Variants in TSC1 observed in about 807,000 individuals in gnomAD.
TSC1 encodes the protein TSC complex subunit 1, also known as hamartin.
Under a neutral mutation model 124.3 loss-of-function variants are expected in TSC1, and 20 were observed. That is an observed-to-expected ratio of 0.16 (90% confidence interval 0.11 to 0.23). The LOEUF is 0.23. Among genes scored for constraint, TSC1 ranks in the 10% least tolerant of loss-of-function variants. The pLI is 1.00. For missense variants in TSC1, 1,124 were observed against 1,448.5 expected, an observed-to-expected ratio of 0.78 and a Z score of 3.64; for synonymous variants, 493 against 539.1, an observed-to-expected ratio of 0.91 and a Z score of 1.19.
intron 12 of TSC1, among the ~76,000 whole-genome samples, chr9:132,908,255 T>C (rs1845770231): frequency 6.6e-6 from 1 of 152,210 alleles, no homozygotes; most frequent in South Asian, 2.1e-4. Context: ...TAAAAAACTA[T>C]ATTTCCCGAA....
chr9:132,926,968 G>A (rs956248377), intron 4 of TSC1: 10 of 490,296 alleles, frequency 2.0e-5, no homozygotes, highest in African/African-American at 5.9e-5. Context: ...CACCACACCC[G>A]GCCCAAACAA....
In TSC1 at chr9:132,895,954, A is replaced by T. The variant is rs1340929150; in HGVS notation, c.*281T>A. On this transcript the variant is annotated 3_prime_UTR_variant, in exon 23 of 23. Coordinates refer to ENST00000298552, the MANE Select transcript of TSC1 (RefSeq NM_000368.5). ...GCAACCATTTGGGGGGGAAAGGAAG[A>T]AAGTAAAGCTACTGAGGAACACCAA... The T allele has an allele frequency of 3.9e-6, 2 of 508,844 alleles. No homozygotes were observed. Among genetic ancestry groups the T allele is most frequent in the Non-Finnish European group, 7.1e-6 (2 of 279,888 alleles). The allele number at this position is 508,844 out of a possible 1,614,324, so 31.5% of individuals were successfully genotyped here.
chr9:132,944,399 T>C lies in TSC1; in HGVS notation c.-144+144A>G, dbSNP rs1416317130. 3.0e-5 allele frequency: 12 copies of C among 393,516 alleles called. No homozygotes were observed. The Admixed American group carries it at 5.3e-4, about 17-fold the overall frequency. The allele number at this position is 393,516 out of a possible 1,614,324, so 24.4% of individuals were successfully genotyped here. A position where few individuals can be genotyped will look rare whatever the true frequency, so the allele number is the denominator to read the frequency against. On this transcript the variant is annotated intron_variant, in intron 1 of 22. Coordinates refer to ENST00000298552, the MANE Select transcript of TSC1 (RefSeq NM_000368.5). Reference sequence around the variant, plus strand: ...TGTAATAAGAGGGAGGGGAGAGCTCTCCGAACCCCCCTTCCCCGGGATCCC... The same window carrying C: ...TGTAATAAGAGGGAGGGGAGAGCTCCCCGAACCCCCCTTCCCCGGGATCCC...
At chr9:132,920,304 C>G (rs943840070) in intron 8 of TSC1, among the ~76,000 whole-genome samples, 19 of 152,104 alleles carry the variant, frequency 1.2e-4, no homozygotes, top group Non-Finnish European at 1.6e-4. Context: ...CTTTTCAAAA[C>G]AAAGCAATAC....
chr9:132,929,968 T>C (rs572265026), intron 2 of TSC1, among the ~76,000 whole-genome samples: 2 of 152,184 alleles, frequency 1.3e-5, no homozygotes, highest in Non-Finnish European at 2.9e-5. Flanking sequence ...GTTTTGATCA[T>C]CACAGCAAGT....
At chr9:132,922,775 T>C (rs926150698) in intron 6 of TSC1, among the ~76,000 whole-genome samples, 4 of 152,134 alleles carry the variant, frequency 2.6e-5, no homozygotes, top group Non-Finnish European at 4.4e-5. Flanking sequence ...ACCCTTTTGA[T>C]AGAAATACCT....
rs974761401 is a variant in TSC1 at position 132,893,596 on chromosome 9, C to T, written c.*2639G>A. 2.6e-5 allele frequency: 6 copies of T among 233,186 alleles called. No homozygotes were observed. The highest frequency in any genetic ancestry group is 1.3e-3 in the Middle Eastern group (1 of 786). The allele number at this position is 233,186 out of a possible 1,614,324, so 14.4% of individuals were successfully genotyped here. ...GCACAGCAGCAGACTTCGGGCTCCT[C>T]GGGGCCTGTGCTGACTCTGGTTAGT... On this transcript the variant is annotated 3_prime_UTR_variant, in exon 23 of 23. Coordinates refer to ENST00000298552, the MANE Select transcript of TSC1 (RefSeq NM_000368.5).
At chr9:132,901,944 G>T (rs1845398491) in intron 18 of TSC1, 1 of 481,814 alleles carries the variant, frequency 2.1e-6, no homozygotes, top group Non-Finnish European at 3.7e-6. Context: ...GCACCAAAGA[G>T]CCCTGAGGCT....
intron 4 of TSC1, 51 bp downstream of exon 4, chr9:132,927,150 T>C: frequency 4.5e-6 from 7 of 1,564,476 alleles, no homozygotes; most frequent in Non-Finnish European, 5.3e-6. Flanking sequence ...GCACAGAAGC[T>C]GTTGTACTCA....
intron 12 of TSC1, 160 bp downstream of exon 12, chr9:132,910,411 A>G: frequency 7.3e-7 from 1 of 1,377,264 alleles, no homozygotes; most frequent in Non-Finnish European, 1.0e-6. Flanking sequence ...GGCAGATCAC[A>G]CCTTGAGAGC....
intron 8 of TSC1, among the ~76,000 whole-genome samples, chr9:132,915,877 TGG>T (rs1846250364): frequency 6.6e-6 from 1 of 152,234 alleles, no homozygotes; most frequent in Non-Finnish European, 1.5e-5. Context: ...ATTCACTACC[TGG>T]GTTCTCACTG....
chr9:132,929,094 A>G (rs954104997), intron 2 of TSC1, 142 bp from the exon 3 acceptor site: 2 of 645,196 alleles, frequency 3.1e-6, no homozygotes, highest in Non-Finnish European at 5.1e-6. Context: ...CAGTGAGTAC[A>G]TTTAGCTGAT....
At position 132,921,779 on chromosome 9, in the gene TSC1, A is replaced by T. The variant is rs771260007; in HGVS notation, c.663+40T>A. The T allele has an allele frequency of 6.2e-7, 1 of 1,612,048 alleles. No homozygotes were observed. The highest frequency in any genetic ancestry group is 8.5e-7 in the Non-Finnish European group (1 of 1,178,400). ...AGGTATAAATGCAGCCTATCTAAAC[A>T]GTATACTAAGTAGCAAACAAACAAG... is the stretch of plus-strand genomic sequence containing the variant. On this transcript the variant is annotated intron_variant, in intron 7 of 22. Coordinates refer to ENST00000298552, the MANE Select transcript of TSC1 (RefSeq NM_000368.5). This position sits in a 1 kb window ranked among gnomAD's most constrained non-coding sequence, Gnocchi z 4.3.
Position 132,902,870 on chromosome 9 carries a change from T to A in TSC1, c.2209-83A>T, listed in dbSNP as rs147169092. On this transcript the variant is annotated intron_variant, in intron 17 of 22. Transcript: ENST00000298552. This position sits in a 1 kb window ranked among gnomAD's most constrained non-coding sequence, Gnocchi z 5.2. ...ACACACTGCGAACATTTCATCTGAA[T>A]AGTCATAAGCTACCCTGAAAATGTA... 3 of 1,529,810 alleles carry A rather than the reference T, an allele frequency of 2.0e-6. No homozygotes were observed. The African/African-American group carries it at 4.1e-5, about 21-fold the overall frequency. 94.8% of individuals were successfully genotyped at this position (1,529,810 alleles called of 1,614,324 possible).
intron 2 of TSC1, chr9:132,931,417 A>T (rs1269562852): frequency 6.6e-6 from 1 of 152,236 alleles, no homozygotes; most frequent in Non-Finnish European, 1.5e-5. Context: ...TTTGCAAAGT[A>T]AGGTTTTATT....
At position 132,921,083 on chromosome 9, in the gene TSC1, T is replaced by C. The variant is rs978597411; in HGVS notation, c.737+280A>G. Among the ~76,000 whole-genome samples the C allele has an allele frequency of 3.3e-5, 5 of 152,076 alleles. No individual in the cohort carries two copies. Among genetic ancestry groups the C allele is most frequent in the African/African-American group, 1.2e-4 (5 of 41,438 alleles). On this transcript the variant is annotated intron_variant, in intron 8 of 22. Coordinates refer to ENST00000298552, the MANE Select transcript of TSC1 (RefSeq NM_000368.5). This position sits in a 1 kb window ranked among gnomAD's most constrained non-coding sequence, Gnocchi z 4.3. ...GTTTTTAGCCATATGCTTCACCTCC[T>C]GCATCGCCCCATCACTGGCACTACT...
At position 132,903,647 on chromosome 9, in the gene TSC1, T is replaced by G; in HGVS notation, c.2208+4A>C. ...GCTCCACCTGTCCCCTCCCCAGTCCTCACCATGGCAGCATTATGTTCCTCC... is the reference window on the plus strand; with the variant it reads ...GCTCCACCTGTCCCCTCCCCAGTCCGCACCATGGCAGCATTATGTTCCTCC... On this transcript the variant is annotated splice_donor_region_variant and intron_variant, in intron 17 of 22. Transcript: ENST00000298552. The surrounding 1 kb of genome is among the most constrained non-coding windows in gnomAD (Gnocchi z 5.9). 6.2e-7 allele frequency: 1 copy of G among 1,612,148 alleles called. No individual in the cohort carries two copies. The highest frequency in any genetic ancestry group is 1.1e-5 in the South Asian group (1 of 90,996).
Position 132,921,880 on chromosome 9 carries a change from G to T in TSC1, c.602C>A (p.Ser201Tyr). 1 of 1,614,190 alleles carries T rather than the reference G, an allele frequency of 6.2e-7. No homozygotes were observed. The highest frequency in any genetic ancestry group is 8.5e-7 in the Non-Finnish European group (1 of 1,180,030). The change falls in exon 7 of 23, where the codon TCC (serine) becomes TAC (tyrosine). Residue 201 changes from serine to tyrosine, a missense_variant. Coordinates refer to ENST00000298552, the MANE Select transcript of TSC1 (RefSeq NM_000368.5). The surrounding 1 kb of genome is among the most constrained non-coding windows in gnomAD (Gnocchi z 4.3). The stretch of plus-strand genomic sequence containing the variant: ...CATACTGTAATGAGAACGCAAAAAG[G>T]AGACGAAGTTGCAAGGGTACATTCC... ...LYGMYPCNFV[S>Y]FLRSHYSMKE...
chr9:132,907,813 G>T (rs188961557), intron 12 of TSC1, among the ~76,000 whole-genome samples: 3 of 152,224 alleles, frequency 2.0e-5, no homozygotes, highest in African/African-American at 7.2e-5. Context: ...CAGACTGGGC[G>T]TGGTGGCCCA....
Sources: allele counts gnomAD v4.1 joint callset (sites outside exome capture counted in the v4.1 genomes callset), GRCh38; gene constraint gnomAD v4.1.1; non-coding constraint Gnocchi (gnomAD v3.1); transcripts MANE v1.5; gene names NCBI Gene and HGNC (gene_info 2026-07-23, HGNC 2026-07-21).